Variants in PRKCA observed in about 807,000 individuals in gnomAD.
PRKCA encodes protein kinase C alpha type.
A neutral mutation model predicts 87.0 loss-of-function variants in PRKCA; 27 were observed. The observed-to-expected ratio is 0.31, with a 90% CI of 0.23 to 0.43. PRKCA has a LOEUF of 0.43. PRKCA is among the 20% of genes least tolerant of loss of function. PRKCA has a pLI of 1.00. For synonymous variants in PRKCA, 329 were observed against 311.1 expected, an observed-to-expected ratio of 1.06 and a Z score of -0.61; for missense variants, 518 against 852.3, an observed-to-expected ratio of 0.61 and a Z score of 4.88.
intron 2 of PRKCA, among the ~76,000 whole-genome samples, chr17:66,423,053 G>C (rs1233709563): frequency 2.6e-5 from 4 of 152,130 alleles, no homozygotes; most frequent in Admixed American, 2.0e-4. Flanking sequence ...GGAGGTTGCA[G>C]TGAGCCCAGA....
intron 3 of PRKCA, among the ~76,000 whole-genome samples, chr17:66,604,139 G>A (rs1024221097): frequency 6.6e-6 from 1 of 152,014 alleles, no homozygotes; most frequent in Non-Finnish European, 1.5e-5. Context: ...TTGCTGTTAG[G>A]AGCCACTCCT....
At chr17:66,777,193 G>A in intron 14 of PRKCA, 2 of 985,424 alleles carry the variant, frequency 2.0e-6, no homozygotes, top group Non-Finnish European at 2.4e-6. Context: ...ACAGCCACCT[G>A]TTGTAACACT....
chr17:66,589,357 T>C (rs762050855), intron 3 of PRKCA, among the ~76,000 whole-genome samples: 21 of 152,202 alleles, frequency 1.4e-4, no homozygotes, highest in Non-Finnish European at 2.1e-4. Context: ...AAAATACTTA[T>C]TTTAGATTGT....
At chr17:66,422,853 G>A (rs1471769932) in intron 2 of PRKCA, among the ~76,000 whole-genome samples, 1 of 152,244 alleles carries the variant, frequency 6.6e-6, no homozygotes, top group Non-Finnish European at 1.5e-5. Flanking sequence ...GCTCACACCT[G>A]TAATCCTAGC....
At chr17:66,579,074 G>A (rs749362341) in intron 3 of PRKCA, among the ~76,000 whole-genome samples, 3 of 152,216 alleles carry the variant, frequency 2.0e-5, no homozygotes, top group Admixed American at 1.3e-4. Context: ...CGGAGCATGT[G>A]CACATGTGCG....
chr17:66,705,430 A>G (rs1973166719), intron 8 of PRKCA, among the ~76,000 whole-genome samples: 3 of 152,188 alleles, frequency 2.0e-5, no homozygotes, highest in Non-Finnish European at 1.5e-5. Context: ...ATGCATTTAT[A>G]TTAGAGTGCT....
At chr17:66,426,401 GT>G (rs1381200164) in intron 2 of PRKCA, among the ~76,000 whole-genome samples, 3 of 152,220 alleles carry the variant, frequency 2.0e-5, no homozygotes, top group African/African-American at 7.2e-5. Context: ...GGCAGCCTGT[GT>G]TGTGCAAAGT....
At chr17:66,690,560 C>T (rs1260315119) in intron 8 of PRKCA, among the ~76,000 whole-genome samples, 3 of 152,128 alleles carry the variant, frequency 2.0e-5, no homozygotes, top group Non-Finnish European at 4.4e-5. Context: ...AGGCCCTGTG[C>T]AGTGGCTCAC....
Position 66,377,823 on chromosome 17 carries a change from A to G in PRKCA, c.205+71696A>G, listed in dbSNP as rs188869553. On this transcript the variant is annotated intron_variant, in intron 2 of 16. Transcript: ENST00000413366. The stretch of plus-strand genomic sequence containing the variant: ...TTTAATAGAGACAGATTCTCACTAC[A>G]TTGCCCAGGCTGGTCTTGAACTCCT... Among the ~76,000 whole-genome samples the G allele has an allele frequency of 2.0e-3, 295 of 144,234 alleles. 1 individual carries two copies. The highest frequency in any genetic ancestry group is 7.2e-3 in the African/African-American group (282 of 38,914). 94.6% of individuals were successfully genotyped at this position (144,234 alleles called of 152,430 possible). A position where few individuals can be genotyped will look rare whatever the true frequency, so the allele number is the denominator to read the frequency against.
intron 2 of PRKCA, among the ~76,000 whole-genome samples, chr17:66,459,566 G>A (rs1914746736): frequency 6.6e-6 from 1 of 152,192 alleles, no homozygotes; most frequent in Non-Finnish European, 1.5e-5. Flanking sequence ...GGAACACCTT[G>A]CTCTCTAAAA....
intron 2 of PRKCA, among the ~76,000 whole-genome samples, chr17:66,458,210 G>A (rs1019831775): frequency 8.5e-5 from 13 of 152,178 alleles, no homozygotes; most frequent in African/African-American, 2.7e-4. Flanking sequence ...AGCCTATTTC[G>A]CAGAATCAGC....
intron 5 of PRKCA, among the ~76,000 whole-genome samples, chr17:66,648,622 G>T (rs533235979): frequency 6.6e-5 from 10 of 152,312 alleles, no homozygotes; most frequent in Middle Eastern, 6.8e-3. Flanking sequence ...AGTATGGAAA[G>T]TCAGGCTCAA....
chr17:66,437,835 C>T (rs2143858000), intron 2 of PRKCA, among the ~76,000 whole-genome samples: 1 of 150,964 alleles, frequency 6.6e-6, no homozygotes, highest in South Asian at 2.1e-4. Context: ...GAACTCATCT[C>T]CGTCTCTGTT....
chr17:66,579,211 C>T (rs767642306), intron 3 of PRKCA, among the ~76,000 whole-genome samples: 88 of 152,278 alleles, frequency 5.8e-4, no homozygotes, highest in African/African-American at 1.8e-3. Flanking sequence ...CTAGTCATCA[C>T]GACCATAATT....
intron 16 of PRKCA, among the ~76,000 whole-genome samples, chr17:66,797,447 T>G (rs1411897980): frequency 1.3e-5 from 2 of 152,236 alleles, no homozygotes; most frequent in African/African-American, 4.8e-5. Context: ...AGGTAGCTTA[T>G]TAATAACGTT....
chr17:66,805,102 T>G lies in PRKCA; in HGVS notation c.*1065T>G. On this transcript the variant is annotated 3_prime_UTR_variant, in exon 17 of 17. Coordinates refer to ENST00000413366, the MANE Select transcript of PRKCA (RefSeq NM_002737.3). ...CCTCTACCGATTGATTTTCCTCCCT[T>G]CTCTAGCCCTGGATGTCCACTTAGG... 1 of 984,116 alleles carries G rather than the reference T, an allele frequency of 1.0e-6. No homozygotes were observed. Among genetic ancestry groups the G allele is most frequent in the Non-Finnish European group, 1.2e-6 (1 of 828,710 alleles). The allele number at this position is 984,116 out of a possible 1,614,324, so 61.0% of individuals were successfully genotyped here. A position where few individuals can be genotyped will look rare whatever the true frequency, so the allele number is the denominator to read the frequency against.
chr17:66,655,261 C>T (rs1048288285), intron 5 of PRKCA, among the ~76,000 whole-genome samples: 3 of 152,204 alleles, frequency 2.0e-5, no homozygotes, highest in Admixed American at 2.0e-4. Context: ...CATTCCTAAA[C>T]ATCAGTGTCT....
intron 2 of PRKCA, among the ~76,000 whole-genome samples, chr17:66,429,855 G>T (rs1310913434): frequency 6.6e-6 from 1 of 152,138 alleles, no homozygotes; most frequent in African/African-American, 2.4e-5. Flanking sequence ...GGTTTATGTA[G>T]TTCTCTGATT....
intron 2 of PRKCA, among the ~76,000 whole-genome samples, chr17:66,337,222 T>C (rs2143326669): frequency 6.6e-6 from 1 of 152,128 alleles, no homozygotes; most frequent in East Asian, 1.9e-4. Flanking sequence ...GACTCTGAGA[T>C]GTCTGAGGGT....
Sources: allele counts gnomAD v4.1 joint callset (sites outside exome capture counted in the v4.1 genomes callset), GRCh38; gene constraint gnomAD v4.1.1; transcripts MANE v1.5; gene names NCBI Gene and HGNC (gene_info 2026-07-23, HGNC 2026-07-21).